Variants in SNTG1 observed in about 807,000 individuals in gnomAD.
The protein encoded by SNTG1 is gamma-1-syntrophin.
Under a neutral mutation model 74.7 loss-of-function variants are expected in SNTG1, and 39 were observed. The ratio of observed to expected loss-of-function variants is 0.52; its 90% CI spans 0.40 to 0.68. The LOEUF is 0.68. Among genes scored for constraint, SNTG1 ranks in the 30% least tolerant of loss-of-function variants. The pLI is 0.00. For missense variants in SNTG1, 685 were observed against 609.5 expected, an observed-to-expected ratio of 1.12 and a Z score of -1.30; for synonymous variants, 254 against 217.1, an observed-to-expected ratio of 1.17 and a Z score of -1.49.
chr8:50,587,113 T>C (rs1408286089), intron 12 of SNTG1, among the ~76,000 whole-genome samples: 1 of 151,706 alleles, frequency 6.6e-6, no homozygotes, highest in Non-Finnish European at 1.5e-5. Flanking sequence ...ACTGGATGTA[T>C]GCCCAAATTA....
At chr8:50,518,920 T>C (rs185680430) in intron 9 of SNTG1, among the ~76,000 whole-genome samples, 12 of 152,214 alleles carry the variant, frequency 7.9e-5, no homozygotes, top group East Asian at 1.9e-4. Context: ...TTCCAAACCA[T>C]TGAAAAAGAG....
chr8:49,962,212 C>A (rs1810749784), intron 1 of SNTG1, among the ~76,000 whole-genome samples: 1 of 151,854 alleles, frequency 6.6e-6, no homozygotes, highest in Admixed American at 6.6e-5. Context: ...GATGAGGCGG[C>A]TAGTTGGAAT....
intron 1 of SNTG1, among the ~76,000 whole-genome samples, chr8:50,017,822 G>A (rs774969815): frequency 1.3e-4 from 20 of 151,884 alleles, no homozygotes; most frequent in African/African-American, 4.3e-4. Flanking sequence ...TTTATTTGAC[G>A]ATTCAATACC....
chr8:50,186,828 T>C, intron 2 of SNTG1, among the ~76,000 whole-genome samples: 1 of 152,128 alleles, frequency 6.6e-6, no homozygotes, highest in East Asian at 1.9e-4. Flanking sequence ...TTTCTCCCAT[T>C]CTGTAGGTTG....
At chr8:49,935,800 T>C (rs947831243) in intron 1 of SNTG1, among the ~76,000 whole-genome samples, 5 of 152,226 alleles carry the variant, frequency 3.3e-5, no homozygotes, top group Non-Finnish European at 4.4e-5. Context: ...ATTCACCTGA[T>C]AGCCTGGCAG....
chr8:49,995,806 AT>A (rs1265331556), intron 1 of SNTG1, among the ~76,000 whole-genome samples: 4 of 152,198 alleles, frequency 2.6e-5, no homozygotes, highest in Non-Finnish European at 4.4e-5. Flanking sequence ...TTGTCAATAA[AT>A]CCTCATTTTA....
At chr8:50,000,973 C>T (rs1218013516) in intron 1 of SNTG1, among the ~76,000 whole-genome samples, 1 of 152,080 alleles carries the variant, frequency 6.6e-6, no homozygotes, top group African/African-American at 2.4e-5. Flanking sequence ...ATTTTCTTTC[C>T]AGAAACTTAT....
At chr8:50,672,564 T>C (rs2095289491) in intron 15 of SNTG1, among the ~76,000 whole-genome samples, 1 of 152,156 alleles carries the variant, frequency 6.6e-6, no homozygotes. Flanking sequence ...TTGTTTAAGT[T>C]CCTTGTAAAT....
At chr8:50,734,656 C>A (rs2095521212) in intron 17 of SNTG1, among the ~76,000 whole-genome samples, 1 of 148,588 alleles carries the variant, frequency 6.7e-6, no homozygotes. Flanking sequence ...CTCTGTCTCT[C>A]TCTCTCTGGA....
At chr8:49,961,954 T>C (rs567095131) in intron 1 of SNTG1, among the ~76,000 whole-genome samples, 10 of 152,292 alleles carry the variant, frequency 6.6e-5, no homozygotes, top group East Asian at 1.9e-4. Flanking sequence ...GGATTTGTAA[T>C]TGACTTTCAG....
At chr8:50,740,722 A>G (rs548644443) in intron 17 of SNTG1, among the ~76,000 whole-genome samples, 3 of 152,256 alleles carry the variant, frequency 2.0e-5, no homozygotes, top group African/African-American at 7.2e-5. Context: ...CACAATAACA[A>G]AGACATGGAG....
At chr8:50,335,311 T>C (rs558983738) in intron 2 of SNTG1, among the ~76,000 whole-genome samples, 1 of 152,200 alleles carries the variant, frequency 6.6e-6, no homozygotes, top group African/African-American at 2.4e-5. Context: ...AGTCTGAGCA[T>C]ACAACATGGC....
At chr8:49,964,008 T>C (rs1419963634) in intron 1 of SNTG1, among the ~76,000 whole-genome samples, 1 of 152,208 alleles carries the variant, frequency 6.6e-6, no homozygotes, top group African/African-American at 2.4e-5. Context: ...CCAAGTTAAA[T>C]TAAATAACAT....
chr8:50,378,135 C>T (rs1037596909), intron 2 of SNTG1, among the ~76,000 whole-genome samples: 2 of 152,154 alleles, frequency 1.3e-5, no homozygotes, highest in African/African-American at 2.4e-5. Flanking sequence ...TGAGTGAGCA[C>T]GGGGTTCGGC....
At chr8:50,547,960 T>C (rs1490906578) in intron 11 of SNTG1, among the ~76,000 whole-genome samples, 1 of 152,154 alleles carries the variant, frequency 6.6e-6, no homozygotes, top group Non-Finnish European at 1.5e-5. Context: ...TGACTAGGAT[T>C]AGCCAGGAAG....
intron 2 of SNTG1, among the ~76,000 whole-genome samples, chr8:50,254,948 C>CTTTTTTTTT (rs4006072): frequency 1.2e-5 from 1 of 85,258 alleles, no homozygotes; most frequent in African/African-American, 3.9e-5. Flanking sequence ...TTTATTGCCA[C>CTTTTTTTTT]TTTTTTTTTT....
intron 14 of SNTG1, among the ~76,000 whole-genome samples, chr8:50,658,260 TAAA>T (rs67305616): frequency 1.8e-4 from 27 of 150,072 alleles, no homozygotes; most frequent in African/African-American, 6.3e-4. Context: ...AGTGGTAAAT[TAAA>T]AAAAAAATAT....
At chr8:50,677,505 T>A (rs1236222940) in intron 15 of SNTG1, among the ~76,000 whole-genome samples, 2 of 151,994 alleles carry the variant, frequency 1.3e-5, no homozygotes, top group Non-Finnish European at 2.9e-5. Flanking sequence ...GAGAATTACT[T>A]TTAATGCTCT....
chr8:50,349,092 C>T (rs1022736878), intron 2 of SNTG1, among the ~76,000 whole-genome samples: 12 of 152,180 alleles, frequency 7.9e-5, no homozygotes, highest in African/African-American at 1.9e-4. Flanking sequence ...AGTCAATGGA[C>T]GTACTATTTG....
Sources: allele counts gnomAD v4.1 joint callset (sites outside exome capture counted in the v4.1 genomes callset), GRCh38; gene constraint gnomAD v4.1.1; transcripts MANE v1.5; gene names NCBI Gene and HGNC (gene_info 2026-07-23, HGNC 2026-07-21).